The following BICC1 variants were observed in gnomAD, a reference collection of about 807,000 sequenced individuals.
The protein encoded by BICC1 is protein bicaudal C homolog 1.
A neutral mutation model predicts 111.0 loss-of-function variants in BICC1; 43 were observed. The ratio of observed to expected loss-of-function variants is 0.39; its 90% CI spans 0.30 to 0.50. The LOEUF (loss-of-function observed/expected upper bound fraction) is 0.50. Among genes scored for constraint, BICC1 ranks in the 20% least tolerant of loss-of-function variants. BICC1 has a pLI of 0.88. For missense variants in BICC1, 1,091 were observed against 1,203.2 expected, an observed-to-expected ratio of 0.91 and a Z score of 1.38; for synonymous variants, 467 against 434.4, an observed-to-expected ratio of 1.07 and a Z score of -0.93.
chr10:58,645,406 CAAAAAAAAA>C (rs57417702), intron 2 of BICC1, among the ~76,000 whole-genome samples: 1 of 73,336 alleles, frequency 1.4e-5, no homozygotes, highest in Non-Finnish European at 2.4e-5. Context: ...GACTCCATCT[CAAAAAAAAA>C]AAAAAAAAAA....
At chr10:58,756,158 GCAT>G (rs1393532240) in intron 3 of BICC1, among the ~76,000 whole-genome samples, 1 of 152,024 alleles carries the variant, frequency 6.6e-6, no homozygotes, top group Non-Finnish European at 1.5e-5. Flanking sequence ...ACCTGTCCCA[GCAT>G]CATCAAGATA....
At chr10:58,606,785 A>G (rs1401589102) in intron 1 of BICC1, among the ~76,000 whole-genome samples, 1 of 152,150 alleles carries the variant, frequency 6.6e-6, no homozygotes, top group African/African-American at 2.4e-5. Context: ...AATTAGCTCT[A>G]CTAATATGGA....
intron 20 of BICC1, among the ~76,000 whole-genome samples, chr10:58,828,331 G>A (rs996320452): frequency 6.6e-6 from 1 of 152,148 alleles, no homozygotes; most frequent in Non-Finnish European, 1.5e-5. Context: ...GAGTTCAGTA[G>A]CTGTAATAAT....
chr10:58,623,957 G>A (rs995211008), intron 2 of BICC1, among the ~76,000 whole-genome samples: 4 of 148,576 alleles, frequency 2.7e-5, no homozygotes, highest in East Asian at 2.0e-4. Flanking sequence ...GATTGTTAGG[G>A]AAAAAAAAAA....
intron 3 of BICC1, among the ~76,000 whole-genome samples, chr10:58,769,969 T>G (rs1460735257): frequency 6.6e-6 from 1 of 152,182 alleles, no homozygotes; most frequent in African/African-American, 2.4e-5. Flanking sequence ...TATTTCAGGT[T>G]TACATATCTT....
At chr10:58,528,203 G>C (rs976279878) in intron 1 of BICC1, among the ~76,000 whole-genome samples, 2 of 151,840 alleles carry the variant, frequency 1.3e-5, no homozygotes, top group African/African-American at 4.8e-5. Context: ...CTTGGCCTTA[G>C]GAAGTGCCAA....
chr10:58,801,861 T>C (rs1843557925), intron 14 of BICC1, among the ~76,000 whole-genome samples: 1 of 152,200 alleles, frequency 6.6e-6, no homozygotes, highest in Admixed American at 6.5e-5. Context: ...ATGGAGCTAA[T>C]ACCCAAAATT....
chr10:58,698,740 C>T (rs1183146972), intron 2 of BICC1, among the ~76,000 whole-genome samples: 3 of 152,156 alleles, frequency 2.0e-5, no homozygotes, highest in Non-Finnish European at 2.9e-5. Context: ...GCACTCAGTA[C>T]GTGCCATGCT....
At chr10:58,622,396 CTT>C (rs1337637942) in intron 2 of BICC1, among the ~76,000 whole-genome samples, 13 of 152,126 alleles carry the variant, frequency 8.5e-5, no homozygotes, top group South Asian at 4.1e-4. Context: ...TCATAAAGGA[CTT>C]TCATTCTTAG....
intron 2 of BICC1, among the ~76,000 whole-genome samples, chr10:58,684,781 C>T (rs1241129369): frequency 1.3e-5 from 2 of 151,988 alleles, no homozygotes; most frequent in South Asian, 4.1e-4. Context: ...ATTAGTCTTG[C>T]CTAGTGGTCT....
intron 2 of BICC1, among the ~76,000 whole-genome samples, chr10:58,629,134 A>G (rs1423856000): frequency 6.6e-6 from 1 of 152,188 alleles, no homozygotes; most frequent in African/African-American, 2.4e-5. Context: ...CCACAGGGTG[A>G]CAGTCTAAGA....
chr10:58,606,951 C>T (rs1845235584), intron 1 of BICC1, among the ~76,000 whole-genome samples: 1 of 152,052 alleles, frequency 6.6e-6, no homozygotes, highest in Admixed American at 6.6e-5. Flanking sequence ...CTTGTTCTTT[C>T]TGGGAGAATT....
chr10:58,718,594 T>A (rs1196330848), intron 3 of BICC1, among the ~76,000 whole-genome samples: 2 of 152,174 alleles, frequency 1.3e-5, no homozygotes, highest in African/African-American at 2.4e-5. Flanking sequence ...AATTTCTATA[T>A]CAAACTAGAA....
intron 20 of BICC1, among the ~76,000 whole-genome samples, chr10:58,828,261 G>A (rs1028474413): frequency 3.4e-4 from 51 of 151,552 alleles, no homozygotes; most frequent in Non-Finnish European, 6.6e-4. Flanking sequence ...TTAGGTATGG[G>A]GTCTTCTTTT....
At chr10:58,567,442 A>G (rs1213666150) in intron 1 of BICC1, among the ~76,000 whole-genome samples, 1 of 151,834 alleles carries the variant, frequency 6.6e-6, no homozygotes, top group Non-Finnish European at 1.5e-5. Flanking sequence ...GGGGATATAT[A>G]TATGTCTTTT....
At chr10:58,539,080 A>G (rs1052901636) in intron 1 of BICC1, among the ~76,000 whole-genome samples, 3 of 151,846 alleles carry the variant, frequency 2.0e-5, no homozygotes, top group South Asian at 4.2e-4. Flanking sequence ...ATCAATATAT[A>G]AAAAAGACAT....
intron 2 of BICC1, among the ~76,000 whole-genome samples, chr10:58,626,040 C>A (rs1171709901): frequency 1.3e-5 from 2 of 152,068 alleles, no homozygotes; most frequent in African/African-American, 2.4e-5. Context: ...TAAATAAGAT[C>A]CAGATATTTT....
chr10:58,711,044 C>T (rs904092373), intron 3 of BICC1, among the ~76,000 whole-genome samples: 2 of 151,984 alleles, frequency 1.3e-5, no homozygotes, highest in African/African-American at 2.4e-5. Flanking sequence ...GTTGGGGTCT[C>T]GCTGCATTAC....
chr10:58,547,977 A>G (rs1437129658), intron 1 of BICC1, among the ~76,000 whole-genome samples: 2 of 152,204 alleles, frequency 1.3e-5, no homozygotes, highest in African/African-American at 2.4e-5. Context: ...AAGATCTGCT[A>G]TGCTCATTGC....
Sources: gnomAD v4.1 joint callset for allele counts (sites outside exome capture counted in the v4.1 genomes callset) on GRCh38, gnomAD v4.1.1 for gene constraint, MANE v1.5 for transcripts, NCBI Gene and HGNC (gene_info 2026-07-23, HGNC 2026-07-21) for gene names.